The following CACNA1A variants were observed in gnomAD, a reference collection of about 807,000 sequenced individuals.
CACNA1A encodes the protein voltage-dependent P/Q-type calcium channel subunit alpha-1A.
A neutral mutation model predicts 262.4 loss-of-function variants in CACNA1A; 57 were observed. That is an observed-to-expected ratio of 0.22 (90% CI 0.18 to 0.27). CACNA1A has a LOEUF of 0.27. Ranked by LOEUF, CACNA1A falls within the 10% of genes least tolerant of loss-of-function variation. CACNA1A has a pLI of 1.00. For missense variants in CACNA1A, 2,526 were observed against 3,562.8 expected, an observed-to-expected ratio of 0.71 and a Z score of 7.41; for synonymous variants, 1,431 against 1,419.3, an observed-to-expected ratio of 1.01 and a Z score of -0.18.
intron 10 of CACNA1A, among the ~76,000 whole-genome samples, chr19:13,323,137 T>G (rs2058288865): frequency 6.6e-6 from 1 of 152,258 alleles, no homozygotes; most frequent in Admixed American, 6.5e-5. Flanking sequence ...CGTGTGCCTG[T>G]AATTTCAGTT....
At chr19:13,369,037 CAAAAAAAAAAA>C (rs71170503) in intron 4 of CACNA1A, among the ~76,000 whole-genome samples, 1 of 48,794 alleles carries the variant, frequency 2.0e-5, no homozygotes, top group Non-Finnish European at 4.3e-5. Context: ...GACTCCGTCT[CAAAAAAAAAAA>C]AAAAAAAAAA....
intron 6 of CACNA1A, among the ~76,000 whole-genome samples, chr19:13,354,660 GTCC>G (rs1278545565): frequency 2.6e-5 from 4 of 152,070 alleles, no homozygotes; most frequent in Non-Finnish European, 5.9e-5. Context: ...ATGGAATTAC[GTCC>G]TCCTGCTACA....
chr19:13,282,814 G>C (rs1050684841), intron 22 of CACNA1A, among the ~76,000 whole-genome samples: 1 of 152,174 alleles, frequency 6.6e-6, no homozygotes, highest in Non-Finnish European at 1.5e-5. Context: ...AAAGGGGCTT[G>C]CTTTCATAAA....
At chr19:13,449,862 T>G (rs1238165503) in intron 3 of CACNA1A, among the ~76,000 whole-genome samples, 2 of 152,126 alleles carry the variant, frequency 1.3e-5, no homozygotes, top group Admixed American at 6.6e-5. Flanking sequence ...TTTGTTTTGC[T>G]GGGCACAGTG....
intron 10 of CACNA1A, among the ~76,000 whole-genome samples, chr19:13,328,556 C>T (rs2058408163): frequency 6.6e-6 from 1 of 152,146 alleles, no homozygotes; most frequent in Admixed American, 6.5e-5. Context: ...CTCAGAATGG[C>T]TCTTTGAATA....
At chr19:13,235,300 A>G (rs369522807) in intron 32 of CACNA1A, 26 bp from the exon 33 acceptor site, 46 of 1,564,288 alleles carry the variant, frequency 2.9e-5, no homozygotes, top group Non-Finnish European at 4.0e-5. Flanking sequence ...GCAATGAAGA[A>G]GAGTGCTGGG....
chr19:13,266,847 T>C (rs534219932), intron 24 of CACNA1A, among the ~76,000 whole-genome samples: 7 of 152,294 alleles, frequency 4.6e-5, no homozygotes, highest in African/African-American at 1.4e-4. Flanking sequence ...AATGCTGGGA[T>C]TAGAGGCGTG....
chr19:13,288,068 G>A (rs1170597543), intron 19 of CACNA1A, among the ~76,000 whole-genome samples: 1 of 152,034 alleles, frequency 6.6e-6, no homozygotes, highest in African/African-American at 2.4e-5. Context: ...CTCCTAAAAT[G>A]TTGGGATTAC....
intron 27 of CACNA1A, chr19:13,258,943 T>G (rs2144754672): frequency 6.6e-6 from 1 of 152,204 alleles, no homozygotes; most frequent in African/African-American, 2.4e-5. Flanking sequence ...TCTTCTTTTT[T>G]TTTTTCAGGG....
intron 1 of CACNA1A, among the ~76,000 whole-genome samples, chr19:13,480,946 T>C (rs1599349029): frequency 1.3e-5 from 2 of 152,182 alleles, no homozygotes; most frequent in Admixed American, 6.5e-5. Context: ...TTATTATTCA[T>C]TGAGACCGTG....
intron 3 of CACNA1A, 108 bp from the exon 4 acceptor site, chr19:13,371,887 C>T: frequency 1.3e-6 from 1 of 789,308 alleles, no homozygotes; most frequent in Non-Finnish European, 2.2e-6. Context: ...TGGGTGACCA[C>T]AGGCAGGTGA....
In CACNA1A at chr19:13,320,017, C is replaced by T. The variant is rs1480306158; in HGVS notation, c.1346-2696G>A. Among the ~76,000 whole-genome samples the T allele has an allele frequency of 3.9e-5, 6 of 152,260 alleles. No individual in the cohort carries two copies. In the South Asian group the frequency reaches 1.0e-3, roughly 26 times the overall value. Reference sequence around the variant, plus strand: ...AGTTGGCCAGGCCCAGTGGCTGTGACCTGCTTACAGGGACGCCTCTCCTTT... The same window carrying T: ...AGTTGGCCAGGCCCAGTGGCTGTGATCTGCTTACAGGGACGCCTCTCCTTT... On this transcript the variant is annotated intron_variant, in intron 10 of 46. Transcript: ENST00000360228.
chr19:13,378,137 T>C (rs992891406), intron 3 of CACNA1A, among the ~76,000 whole-genome samples: 4 of 152,206 alleles, frequency 2.6e-5, no homozygotes, highest in African/African-American at 7.2e-5. Context: ...GCAGAAGTGA[T>C]GGAACTAGCA....
rs117192750 is a variant in CACNA1A at position 13,468,320 on chromosome 19, T to C, written c.294-13108A>G. ...AAGTTCTCTAGGGACCTCTGAGTGGTGTGAGGTCTCTGTCTCCTGATTCAA... is the reference window on the plus strand; with the variant it reads ...AAGTTCTCTAGGGACCTCTGAGTGGCGTGAGGTCTCTGTCTCCTGATTCAA... On this transcript the variant is annotated intron_variant, in intron 1 of 46. Coordinates refer to ENST00000360228, the MANE Select transcript of CACNA1A (RefSeq NM_001127222.2). Among the ~76,000 whole-genome samples the C allele has an allele frequency of 7.6e-3, 1,161 of 152,198 alleles. 7 individuals are homozygous for C. The highest frequency in any genetic ancestry group is 0.014 in the Admixed American group (212 of 15,288).
At chr19:13,339,775 A>T (rs868084722) in intron 6 of CACNA1A, among the ~76,000 whole-genome samples, 9 of 122,292 alleles carry the variant, frequency 7.4e-5, no homozygotes, top group Non-Finnish European at 1.3e-4. Context: ...GCCATGGATT[A>T]AAAAAAAAAA....
At chr19:13,279,064 G>T (rs943348020) in intron 22 of CACNA1A, among the ~76,000 whole-genome samples, 2 of 152,042 alleles carry the variant, frequency 1.3e-5, no homozygotes, top group African/African-American at 4.8e-5. Context: ...TCCCTGGCTC[G>T]CTCAGTACCT....
intron 6 of CACNA1A, among the ~76,000 whole-genome samples, chr19:13,346,619 TATATATATATATATATATATATA>T: frequency 2.7e-4 from 1 of 3,772 alleles, no homozygotes; most frequent in Non-Finnish European, 4.4e-4. Flanking sequence ...TAATTGATTA[TATATATATATATATATATATATA>T]TATATATATA....
At chr19:13,343,567 C>T (rs1022212973) in intron 6 of CACNA1A, among the ~76,000 whole-genome samples, 4 of 152,048 alleles carry the variant, frequency 2.6e-5, no homozygotes, top group African/African-American at 9.7e-5. Context: ...CCAAGACAGA[C>T]CACATGTTAG....
rs1600114408 is a variant in CACNA1A, at chr19:13,224,695, G to A, written c.5703C>T (p.Arg1901=). The change falls in exon 38 of 47, where the codon CGC becomes CGT. Residue 1901 remains arginine (R), a synonymous_variant. Transcript: ENST00000360228. ...HFNSTLMALI[R]TALDIKIAKG... ...TGGCAATCTTGATGTCCAGGGCTGT[G>A]CGGATCAGAGCCATGAGGGTGGAAT... 6.2e-7 allele frequency: 1 copy of A among 1,612,630 alleles called. No homozygotes were observed. Among genetic ancestry groups the A allele is most frequent in the Non-Finnish European group, 8.5e-7 (1 of 1,179,360 alleles).
Sources: gnomAD v4.1 joint callset for allele counts (sites outside exome capture counted in the v4.1 genomes callset) on GRCh38, gnomAD v4.1.1 for gene constraint, MANE v1.5 for transcripts, NCBI Gene and HGNC (gene_info 2026-07-23, HGNC 2026-07-21) for gene names.